KCNN2: variants seen among roughly 807,000 people sequenced by gnomAD.
KCNN2 encodes the protein small conductance calcium-activated potassium channel protein 2.
Under a neutral mutation model 55.5 loss-of-function variants are expected in KCNN2, and 24 were observed. That is an observed-to-expected ratio of 0.43 (90% CI 0.31 to 0.61). The LOEUF (loss-of-function observed/expected upper bound fraction) is 0.61. Ranked by LOEUF, KCNN2 falls within the 20% of genes least tolerant of loss-of-function variation. The probability of loss-of-function intolerance (pLI) is 0.08; values close to 1 mark genes in which losing one functional copy is unlikely to be tolerated. For synonymous variants in KCNN2, 431 were observed against 336.1 expected, an observed-to-expected ratio of 1.28 and a Z score of -3.09; for missense variants, 754 against 853.6, an observed-to-expected ratio of 0.88 and a Z score of 1.45.
At chr5:114,363,697 C>CCCAGTCTTT (rs1475554298) in intron 1 of KCNN2, among the ~76,000 whole-genome samples, 1 of 152,176 alleles carries the variant, frequency 6.6e-6, no homozygotes, top group Non-Finnish European at 1.5e-5. Flanking sequence ...CACGCGTCTT[C>CCCAGTCTTT]CCAGTCTTTC....
At chr5:114,157,883 A>G (rs1161077452) in intron 1 of KCNN2, among the ~76,000 whole-genome samples, 1 of 148,594 alleles carries the variant, frequency 6.7e-6, no homozygotes, top group Non-Finnish European at 1.5e-5. Flanking sequence ...GTTTGAGTTC[A>G]TTGTAGATTC....
At chr5:114,210,378 G>A (rs1753858603) in intron 1 of KCNN2, among the ~76,000 whole-genome samples, 1 of 152,084 alleles carries the variant, frequency 6.6e-6, no homozygotes, top group Non-Finnish European at 1.5e-5. Flanking sequence ...ACTGGAGGCT[G>A]GTAGGAACCT....
Position 114,210,721 on chromosome 5 carries a change from G to A in KCNN2, c.-270-10759G>A, listed in dbSNP as rs532430077. Among the ~76,000 whole-genome samples the A allele has an allele frequency of 1.6e-4, 24 of 152,246 alleles. No individual in the cohort carries two copies. In the South Asian group the frequency reaches 2.9e-3, roughly 18 times the overall value. ...AAGCCAAATTGTAGTTATTAACGACGATAGGAAGCACAAAGAGGTGAATAG... is the reference window on the plus strand; with the variant it reads ...AAGCCAAATTGTAGTTATTAACGACAATAGGAAGCACAAAGAGGTGAATAG... On this transcript the variant is annotated intron_variant, in intron 1 of 10. Coordinates refer to the KCNN2 transcript ENST00000512097.
chr5:114,401,752 C>G (rs543538578), intron 2 of KCNN2, among the ~76,000 whole-genome samples: 28 of 152,174 alleles, frequency 1.8e-4, no homozygotes, highest in African/African-American at 6.7e-4. Context: ...ACAGAATGTA[C>G]GAAGACCCAG....
intron 1 of KCNN2, among the ~76,000 whole-genome samples, chr5:114,192,175 C>G (rs564937878): frequency 6.6e-6 from 1 of 152,268 alleles, no homozygotes; most frequent in East Asian, 1.9e-4. Context: ...TTGACAAATT[C>G]TATTATATTG....
chr5:114,063,377 T>G (rs1431204207), intron 1 of KCNN2, among the ~76,000 whole-genome samples: 1 of 152,212 alleles, frequency 6.6e-6, no homozygotes, highest in Non-Finnish European at 1.5e-5. Flanking sequence ...TGTGGGATAG[T>G]AGAGACAGAG....
intron 4 of KCNN2, among the ~76,000 whole-genome samples, chr5:114,470,007 A>C (rs1430716014): frequency 6.6e-6 from 1 of 152,168 alleles, no homozygotes; most frequent in East Asian, 1.9e-4. Context: ...GTATATAGAT[A>C]ATAGTTTTGA....
At chr5:114,269,319 G>T (rs1468843039) in intron 2 of KCNN2, among the ~76,000 whole-genome samples, 4 of 152,142 alleles carry the variant, frequency 2.6e-5, no homozygotes, top group Non-Finnish European at 5.9e-5. Context: ...CTTGATATAA[G>T]TTTCACTTAA....
At chr5:114,385,443 C>T (rs768018079) in intron 2 of KCNN2, among the ~76,000 whole-genome samples, 8 of 151,548 alleles carry the variant, frequency 5.3e-5, no homozygotes, top group South Asian at 2.1e-4. Context: ...TTTCTTGTGG[C>T]GTATAATGTT....
At chr5:114,191,711 A>G (rs1241679353) in intron 1 of KCNN2, among the ~76,000 whole-genome samples, 3 of 152,164 alleles carry the variant, frequency 2.0e-5, no homozygotes, top group Admixed American at 6.6e-5. Flanking sequence ...GTAAGGGATT[A>G]GGCATTGTGA....
intron 6 of KCNN2, among the ~76,000 whole-genome samples, chr5:114,487,587 C>T (rs929609999): frequency 6.6e-6 from 1 of 152,072 alleles, no homozygotes; most frequent in Non-Finnish European, 1.5e-5. Flanking sequence ...AGTTTTTAAT[C>T]AGAATTTTGG....
chr5:114,290,249 A>T (rs1408729677), intron 2 of KCNN2, among the ~76,000 whole-genome samples: 1 of 151,996 alleles, frequency 6.6e-6, no homozygotes, highest in African/African-American at 2.4e-5. Flanking sequence ...CTTTATGAGG[A>T]TGTTGGTTAC....
At position 114,335,382 on chromosome 5, in the gene KCNN2, TAA is replaced by T. The variant is rs1756902592; in HGVS notation, c.-184-25561_-184-25560del. On this transcript the variant is annotated intron_variant, in intron 2 of 10. Coordinates refer to the KCNN2 transcript ENST00000512097. ...GCCTCTCTTTAGCTTTCAGGACACT[TAA>T]AGGACGTAAAATAATACTTACTCCT... Among the ~76,000 whole-genome samples the T allele has an allele frequency of 2.0e-5, 3 of 152,308 alleles. No individual in the cohort carries two copies. The South Asian group carries it at 6.2e-4, about 32-fold the overall frequency.
chr5:114,178,184 G>T (rs777217825), intron 1 of KCNN2, among the ~76,000 whole-genome samples: 21 of 152,166 alleles, frequency 1.4e-4, no homozygotes, highest in Non-Finnish European at 5.9e-5. Context: ...AATAAGAAAT[G>T]TATAGACTTC....
intron 2 of KCNN2, among the ~76,000 whole-genome samples, chr5:114,238,886 C>G (rs1235988249): frequency 1.3e-5 from 2 of 152,000 alleles, no homozygotes; most frequent in Non-Finnish European, 2.9e-5. Flanking sequence ...TACAGTGTTC[C>G]TGATAATCTT....
upstream of KCNN2, among the ~76,000 whole-genome samples, chr5:114,358,161 G>A (rs527975415): frequency 6.6e-6 from 1 of 152,002 alleles, no homozygotes; most frequent in African/African-American, 2.4e-5. Flanking sequence ...ACTACCATCA[G>A]AGTGAACAGG....
chr5:114,361,210 G>T (rs528352616), upstream of KCNN2: 2 of 152,266 alleles, frequency 1.3e-5, no homozygotes, highest in South Asian at 4.1e-4. Context: ...CGGGAAGCCC[G>T]GCCGGCTCTG....
rs1256821560 is a variant in KCNN2 at position 114,143,229 on chromosome 5, G to A, written c.-270-78251G>A. Among the ~76,000 whole-genome samples, 4 of 152,252 alleles carry A rather than the reference G, an allele frequency of 2.6e-5. No individual in the cohort carries two copies. In the South Asian group the frequency reaches 8.3e-4, roughly 32 times the overall value. ...ATGGGAATGAAGTAATTCTTTAACA[G>A]AACATCTGTATACAGAAGTACAGTA... On this transcript the variant is annotated intron_variant, in intron 1 of 10. Transcript: ENST00000512097.
intron 1 of KCNN2, among the ~76,000 whole-genome samples, chr5:114,136,069 A>AT (rs1313754785): frequency 6.6e-6 from 1 of 152,186 alleles, no homozygotes; most frequent in Non-Finnish European, 1.5e-5. Flanking sequence ...GAAAGGGCCA[A>AT]TTGAGTTCCC....
Sources: allele counts gnomAD v4.1 joint callset (sites outside exome capture counted in the v4.1 genomes callset), GRCh38; gene constraint gnomAD v4.1.1; transcripts MANE v1.5; gene names NCBI Gene and HGNC (gene_info 2026-07-23, HGNC 2026-07-21).